The following INTS9 variants were observed in gnomAD, a reference collection of about 807,000 sequenced individuals.
The protein encoded by INTS9 is protein related to CPSF subunits of 74 kDa.
Under a neutral mutation model 79.7 loss-of-function variants are expected in INTS9, and 55 were observed. The observed-to-expected ratio is 0.69, with a 90% confidence interval of 0.56 to 0.86. The LOEUF (loss-of-function observed/expected upper bound fraction) is 0.86, where lower values mean the gene tolerates loss of function less well. Among genes scored for constraint, INTS9 ranks in the 40% least tolerant of loss-of-function variants. The pLI is 0.00. For missense variants in INTS9, 721 were observed against 831.5 expected (o/e 0.87, Z 1.64); for synonymous variants, 319 against 325.2 (o/e 0.98, Z 0.20).
intron 5 of INTS9, among the ~76,000 whole-genome samples, chr8:28,836,154 G>A (rs1450736297): frequency 5.3e-5 from 8 of 152,170 alleles, no homozygotes; most frequent in Admixed American, 5.2e-4. Context: ...TTCTTGATAT[G>A]TTTTAGGAAT....
At chr8:28,880,369 C>T (rs1278859028) in intron 1 of INTS9, among the ~76,000 whole-genome samples, 1 of 152,002 alleles carries the variant, frequency 6.6e-6, no homozygotes, top group Non-Finnish European at 1.5e-5. Flanking sequence ...CCTGATTCTC[C>T]TGCCTCAGCC....
At chr8:28,830,550 G>A (rs1177311697) in intron 6 of INTS9, among the ~76,000 whole-genome samples, 1 of 151,638 alleles carries the variant, frequency 6.6e-6, no homozygotes, top group Non-Finnish European at 1.5e-5. Flanking sequence ...CTTGAACCCC[G>A]GGAGGTGAAG....
intron 6 of INTS9, among the ~76,000 whole-genome samples, chr8:28,823,389 T>C (rs1805965613): frequency 6.6e-6 from 1 of 152,132 alleles, no homozygotes; most frequent in African/African-American, 2.4e-5. Context: ...CAAACCTTGT[T>C]AAACCCTGAT....
intron 6 of INTS9, among the ~76,000 whole-genome samples, chr8:28,820,286 G>C (rs927205458): frequency 2.0e-5 from 3 of 152,144 alleles, no homozygotes; most frequent in African/African-American, 7.2e-5. Context: ...TGCAGTGGCT[G>C]GTACCAGTTG....
rs761735276 is a variant in INTS9 at position 28,813,491 on chromosome 8, C to A, written c.609+1G>T. The A allele has an allele frequency of 1.9e-6, 3 of 1,612,786 alleles. No homozygotes were observed. The highest frequency in any genetic ancestry group is 1.7e-5 in the Admixed American group (1 of 59,938). On this transcript the variant is annotated splice_donor_variant, in intron 7 of 16. Coordinates refer to ENST00000521022, the MANE Select transcript of INTS9 (RefSeq NM_018250.4). LOFTEE classifies it high-confidence loss of function. The stretch of plus-strand genomic sequence containing the variant: ...AACTGAAATGTAATATGAATACTCA[C>A]AATTTTCTGAGAATATCCCACCAGC...
chr8:28,815,340 A>C (rs927999334), intron 6 of INTS9, among the ~76,000 whole-genome samples: 2 of 152,224 alleles, frequency 1.3e-5, no homozygotes, highest in Admixed American at 6.5e-5. Context: ...AGAGGTACAT[A>C]CATGAAAAAC....
In INTS9 at chr8:28,846,755, A is replaced by G. The variant is rs1807537863; in HGVS notation, c.253T>C (p.Leu85=). 2 of 1,612,296 alleles carry G rather than the reference A, an allele frequency of 1.2e-6. No homozygotes were observed. The highest frequency in any genetic ancestry group is 8.5e-7 in the Non-Finnish European group (1 of 1,178,304). The change falls in exon 4 of 17, where the codon TTA becomes CTA. Residue 85 remains leucine (L), a synonymous_variant. Coordinates refer to ENST00000521022, the MANE Select transcript of INTS9 (RefSeq NM_018250.4). Reference sequence around the variant, plus strand: ...ATTCACCTTAATCTTACCTCTGGTAAACAGAATTCCGGCACAGAATCCACA... The same window carrying G: ...ATTCACCTTAATCTTACCTCTGGTAGACAGAATTCCGGCACAGAATCCACA... ...VFVDSVPEFC[L]PETELIDLST...
At chr8:28,869,345 C>T (rs935643310) in intron 1 of INTS9, among the ~76,000 whole-genome samples, 3 of 152,128 alleles carry the variant, frequency 2.0e-5, no homozygotes, top group Non-Finnish European at 4.4e-5. Context: ...CATGCCCAGC[C>T]TAAATGTTTC....
At chr8:28,786,918 T>G (rs570863912) in intron 11 of INTS9, among the ~76,000 whole-genome samples, 2 of 151,994 alleles carry the variant, frequency 1.3e-5, no homozygotes, top group Non-Finnish European at 2.9e-5. Context: ...GGGGTTTCAC[T>G]GTGTTAGCCA....
At chr8:28,869,955 G>A (rs1808978943) in intron 1 of INTS9, among the ~76,000 whole-genome samples, 1 of 151,846 alleles carries the variant, frequency 6.6e-6, no homozygotes, top group African/African-American at 2.4e-5. Context: ...GCAGAGGGTG[G>A]TCATAAAAAG....
Position 28,889,731 on chromosome 8 carries a change from C to G in INTS9, c.9+143G>C, listed in dbSNP as rs1585557884. On this transcript the variant is annotated intron_variant, in intron 1 of 16. Coordinates refer to ENST00000521022, the MANE Select transcript of INTS9 (RefSeq NM_018250.4). ...TTCAAACCTTCTCAACAACAAAAAG[C>G]AGCTTTCCTTAGCCCACTCCACTTT... 3.6e-6 allele frequency: 3 copies of G among 824,724 alleles called. No homozygotes were observed. The East Asian group carries it at 8.4e-5, about 23-fold the overall frequency. The allele number at this position is 824,724 out of a possible 1,614,324, so 51.1% of individuals were successfully genotyped here. A position where few individuals can be genotyped will look rare whatever the true frequency, so the allele number is the denominator to read the frequency against.
At chr8:28,872,828 A>AC (rs1223142185) in intron 1 of INTS9, among the ~76,000 whole-genome samples, 1 of 152,234 alleles carries the variant, frequency 6.6e-6, no homozygotes, top group Non-Finnish European at 1.5e-5. Context: ...AGCCACCATT[A>AC]CTTCAGGCTT....
At chr8:28,773,661 A>G (rs1486590361) in intron 14 of INTS9, among the ~76,000 whole-genome samples, 2 of 146,174 alleles carry the variant, frequency 1.4e-5, no homozygotes, top group East Asian at 4.2e-4. Context: ...CTGCGATTAC[A>G]GGCGCCTGCC....
chr8:28,813,055 C>T (rs898879537), intron 7 of INTS9, among the ~76,000 whole-genome samples: 3 of 152,172 alleles, frequency 2.0e-5, no homozygotes, highest in African/African-American at 7.2e-5. Flanking sequence ...GACTCACACA[C>T]TTTGGCTTTC....
intron 6 of INTS9, among the ~76,000 whole-genome samples, chr8:28,823,424 T>C (rs936290133): frequency 6.6e-6 from 1 of 152,164 alleles, no homozygotes; most frequent in Non-Finnish European, 1.5e-5. Context: ...CTCCACCCAA[T>C]TGACTGCCCT....
At chr8:28,809,352 A>G (rs942669933) in intron 8 of INTS9, among the ~76,000 whole-genome samples, 3 of 152,188 alleles carry the variant, frequency 2.0e-5, no homozygotes, top group South Asian at 2.1e-4. Context: ...GGCATGCTAC[A>G]TTTAGTGCCC....
At chr8:28,788,898 A>T (rs1585355338) in intron 10 of INTS9, among the ~76,000 whole-genome samples, 1 of 152,226 alleles carries the variant, frequency 6.6e-6, no homozygotes, top group African/African-American at 2.4e-5. Context: ...ACAGTTGATA[A>T]ATCAATATAT....
At chr8:28,874,589 G>A (rs951021443) in intron 1 of INTS9, among the ~76,000 whole-genome samples, 23 of 151,954 alleles carry the variant, frequency 1.5e-4, no homozygotes, top group East Asian at 1.9e-4. Context: ...CACTGCACCC[G>A]GCCACTTTAA....
intron 6 of INTS9, among the ~76,000 whole-genome samples, chr8:28,818,988 C>G (rs1351771300): frequency 6.6e-6 from 1 of 152,150 alleles, no homozygotes; most frequent in Non-Finnish European, 1.5e-5. Flanking sequence ...TCTGTGGGAT[C>G]GGTGGTGATA....
Sources: allele counts gnomAD v4.1 joint callset (sites outside exome capture counted in the v4.1 genomes callset), GRCh38; gene constraint gnomAD v4.1.1; transcripts MANE v1.5; gene names NCBI Gene and HGNC (gene_info 2026-07-23, HGNC 2026-07-21).